Variants in GLYR1 observed in about 807,000 individuals in gnomAD.
GLYR1 encodes glyoxylate reductase 1 homolog.
In GLYR1, 21 loss-of-function variants were observed where a neutral mutation model predicts 72.7. The ratio of observed to expected loss-of-function variants is 0.29; its 90% confidence interval spans 0.20 to 0.42. GLYR1 has a LOEUF of 0.42. GLYR1 is among the 10% of genes least tolerant of loss of function. The pLI, the probability that GLYR1 is intolerant of heterozygous loss-of-function variation, is 1.00. For missense variants in GLYR1, 594 were observed against 712.1 expected, an observed-to-expected ratio of 0.83 and a Z score of 1.89; for synonymous variants, 392 against 270.2, an observed-to-expected ratio of 1.45 and a Z score of -4.42.
Position 4,832,464 on chromosome 16 carries a change from G to T in GLYR1, c.295-243C>A, listed in dbSNP as rs2084862349. The T allele has an allele frequency of 8.4e-6, 5 of 591,834 alleles. No homozygotes were observed. The Admixed American group carries it at 1.6e-4, about 19-fold the overall frequency. The allele number at this position is 591,834 out of a possible 1,614,324, so 36.7% of individuals were successfully genotyped here. Reference sequence around the variant, plus strand: ...AAGGATTTAAATCTAGGCAGTATATGTATTTCAGAGGCTATGCTCCTAATC... The same window carrying T: ...AAGGATTTAAATCTAGGCAGTATATTTATTTCAGAGGCTATGCTCCTAATC... On this transcript the variant is annotated intron_variant, in intron 4 of 15. Transcript: ENST00000321919.
intron 11 of GLYR1, chr16:4,814,051 ATTTCTT>A (rs980226541): frequency 2.0e-5 from 8 of 406,904 alleles, no homozygotes; most frequent in African/African-American, 1.7e-4. Context: ...GAGTGTGTGC[ATTTCTT>A]TTTATTTAAA....
At chr16:4,818,052 T>C in intron 9 of GLYR1, 1 of 186,020 alleles carries the variant, frequency 5.4e-6, no homozygotes, top group Non-Finnish European at 1.1e-5. Context: ...TGGAGTGCAA[T>C]GGCGCGAGCT....
chr16:4,805,599 G>GT (rs1862741723), intron 15 of GLYR1, among the ~76,000 whole-genome samples: 1 of 152,244 alleles, frequency 6.6e-6, no homozygotes, highest in Admixed American at 6.5e-5. Context: ...GCTCATGCCT[G>GT]TAAGGCCGAG....
At chr16:4,815,848 C>A (rs2083603329) in intron 10 of GLYR1, among the ~76,000 whole-genome samples, 1 of 152,010 alleles carries the variant, frequency 6.6e-6, no homozygotes. Flanking sequence ...GTGGCACGAT[C>A]TCAGCTCACT....
rs185113480 is a variant in GLYR1, at chr16:4,831,684, T to G, written c.537+295A>C. 9.2e-5 allele frequency among the ~76,000 whole-genome samples: 14 copies of G among 152,336 alleles called. No homozygotes were observed. The East Asian group carries it at 2.7e-3, about 29-fold the overall frequency. On this transcript the variant is annotated intron_variant, in intron 5 of 15. Transcript: ENST00000321919. ...TGGGATTCTTTATTTTTTAATTTTT[T>G]AAATAAGATTCGGGGTCTCACTCCA...
At chr16:4,806,289 G>C (rs77270141) in intron 15 of GLYR1, among the ~76,000 whole-genome samples, 1 of 152,178 alleles carries the variant, frequency 6.6e-6, no homozygotes, top group Non-Finnish European at 1.5e-5. Context: ...GGAGAGGAAG[G>C]GGGAAAGAAA....
At chr16:4,812,930 G>C (rs1205955243) in intron 12 of GLYR1, among the ~76,000 whole-genome samples, 4 of 149,648 alleles carry the variant, frequency 2.7e-5, no homozygotes, top group African/African-American at 7.5e-5. Flanking sequence ...CTCAGTAGCT[G>C]GGACTACAGG....
chr16:4,817,876 C>A (rs2083749732), intron 9 of GLYR1, 179 bp from the exon 10 acceptor site: 2 of 592,384 alleles, frequency 3.4e-6, no homozygotes, highest in Admixed American at 2.9e-5. Context: ...TGGGTCTTCT[C>A]TTATGCCATG....
intron 3 of GLYR1, among the ~76,000 whole-genome samples, chr16:4,837,590 G>T (rs566604923): frequency 1.3e-5 from 2 of 152,190 alleles, no homozygotes; most frequent in South Asian, 4.1e-4. Context: ...GAGAAAGGAC[G>T]GGGAGAAGAT....
At chr16:4,822,541 C>A (rs769934617) in intron 7 of GLYR1, among the ~76,000 whole-genome samples, 12 of 152,152 alleles carry the variant, frequency 7.9e-5, no homozygotes, top group Non-Finnish European at 1.8e-4. Context: ...CAGGCACGCG[C>A]CACCATGCCC....
chr16:4,836,215 A>T (rs1278377992), intron 3 of GLYR1, among the ~76,000 whole-genome samples: 1 of 152,228 alleles, frequency 6.6e-6, no homozygotes, highest in Non-Finnish European at 1.5e-5. Context: ...CTCAATAAAT[A>T]ATCACTGGGT....
intron 7 of GLYR1, 114 bp from the exon 8 acceptor site, chr16:4,821,711 T>C: frequency 1.0e-6 from 1 of 975,064 alleles, no homozygotes; most frequent in Non-Finnish European, 1.6e-6. Flanking sequence ...ACTATTTGTT[T>C]TATACTTTAG....
chr16:4,826,011 G>A (rs1416274244), intron 5 of GLYR1, among the ~76,000 whole-genome samples: 1 of 152,060 alleles, frequency 6.6e-6, no homozygotes, highest in Non-Finnish European at 1.5e-5. Flanking sequence ...AAGTAACCTT[G>A]CTTAAGGTCA....
At chr16:4,812,049 C>T (rs1333423276) in intron 13 of GLYR1, 37 bp downstream of exon 13, 3 of 1,594,032 alleles carry the variant, frequency 1.9e-6, no homozygotes, top group Non-Finnish European at 2.6e-6. Context: ...GGAGATGTGG[C>T]CCCAGGCTCC....
At chr16:4,821,331 C>T in intron 9 of GLYR1, 49 bp downstream of exon 9, 1 of 1,596,156 alleles carries the variant, frequency 6.3e-7, no homozygotes, top group Non-Finnish European at 8.6e-7. Flanking sequence ...CTTCTCCCCA[C>T]CCTCAGCAGA....
At chr16:4,822,025 T>C (rs2084063806) in intron 7 of GLYR1, among the ~76,000 whole-genome samples, 1 of 152,224 alleles carries the variant, frequency 6.6e-6, no homozygotes, top group Non-Finnish European at 1.5e-5. Flanking sequence ...CAGCTTACGA[T>C]GTTTGGTTTC....
Position 4,804,953 on chromosome 16 carries a change from G to A in GLYR1, c.*283C>T. The stretch of plus-strand genomic sequence containing the variant: ...AGAGCCTGTGTGTGTGTGTGTGTGT[G>A]TGTGTGTGTGTGTGTGTGAACACAC... On this transcript the variant is annotated 3_prime_UTR_variant, in exon 16 of 16. Transcript: ENST00000321919. 1 of 519,866 alleles carries A rather than the reference G, an allele frequency of 1.9e-6. No individual in the cohort carries two copies. The highest frequency in any genetic ancestry group is 3.5e-6 in the Non-Finnish European group (1 of 284,928). The allele number at this position is 519,866 out of a possible 1,614,324, so 32.2% of individuals were successfully genotyped here. A position where few individuals can be genotyped will look rare whatever the true frequency, so the allele number is the denominator to read the frequency against.
chr16:4,804,933 C>CTGTGTGTGTGTG lies in GLYR1; in HGVS notation c.*291_*302dup, dbSNP rs143624351. The CTGTGTGTGTGTG allele has an allele frequency of 3.9e-3, 1,162 of 297,424 alleles. 12 individuals carry two copies. The highest frequency in any genetic ancestry group is 5.1e-3 in the Admixed American group (119 of 23,202). The allele number at this position is 297,424 out of a possible 1,614,324, so 18.4% of individuals were successfully genotyped here. Reference sequence around the variant, plus strand: ...GCAGCTTCTATCCTGGGGCGAGAGCCTGTGTGTGTGTGTGTGTGTGTGTGT... The same window carrying CTGTGTGTGTGTG: ...GCAGCTTCTATCCTGGGGCGAGAGCCTGTGTGTGTGTGTGTGTGTGTGTGTGTGTGTGTGTGT... On this transcript the variant is annotated 3_prime_UTR_variant, in exon 16 of 16. Transcript: ENST00000321919.
chr16:4,812,488 G>A (rs1209495527), intron 12 of GLYR1, among the ~76,000 whole-genome samples: 2 of 151,780 alleles, frequency 1.3e-5, no homozygotes, highest in African/African-American at 2.4e-5. Context: ...GAACCCAACT[G>A]ACTTGGAATT....
Sources: allele counts gnomAD v4.1 joint callset (sites outside exome capture counted in the v4.1 genomes callset), GRCh38; gene constraint gnomAD v4.1.1; transcripts MANE v1.5; gene names NCBI Gene and HGNC (gene_info 2026-07-23, HGNC 2026-07-21).